Variants in XXYLT1 observed in about 807,000 individuals in gnomAD.
XXYLT1 encodes UDP-xylose:alpha-xyloside alpha-1,3-xylosyltransferase.
In XXYLT1, 20 loss-of-function variants were observed where a neutral mutation model predicts 28.9. The ratio of observed to expected loss-of-function variants is 0.69; its 90% CI spans 0.49 to 1.00. The LOEUF (loss-of-function observed/expected upper bound fraction) is 1.00. Ranked by LOEUF, XXYLT1 falls within the 50% of genes least tolerant of loss-of-function variation. The probability of loss-of-function intolerance (pLI) is 0.00; values close to 1 mark genes in which losing one functional copy is unlikely to be tolerated. For missense variants in XXYLT1, 542 were observed against 560.1 expected (o/e 0.97, Z 0.33); for synonymous variants, 257 against 253.8 (o/e 1.01, Z -0.12).
chr3:195,256,292 T>G lies in XXYLT1; in HGVS notation c.504+14263A>C, dbSNP rs1725474953. 6.6e-6 allele frequency among the ~76,000 whole-genome samples: 1 copy of G among 152,170 alleles called. No homozygotes were observed. The highest frequency in any genetic ancestry group is 6.5e-5 in the Admixed American group (1 of 15,292). On this transcript the variant is annotated intron_variant, in intron 1 of 3. Transcript: ENST00000310380. This position sits in a 1 kb window ranked among gnomAD's most constrained non-coding sequence, Gnocchi z 4.2. ...GTTAAATGAGGGAGGAAAAGCAGGA[T>G]CCAGCATGGTGCCTGCCACCCAGGG... is the stretch of plus-strand genomic sequence containing the variant.
intron 1 of XXYLT1, among the ~76,000 whole-genome samples, chr3:195,237,475 G>A (rs529248393): frequency 6.6e-6 from 1 of 152,166 alleles, no homozygotes; most frequent in South Asian, 2.1e-4. Flanking sequence ...ACCCTCTGCA[G>A]TGCTTCTTTC....
At chr3:195,237,118 C>T (rs1217421957) in intron 1 of XXYLT1, among the ~76,000 whole-genome samples, 1 of 152,176 alleles carries the variant, frequency 6.6e-6, no homozygotes, top group African/African-American at 2.4e-5. Context: ...GGTCATGTAA[C>T]CCCCAAGTCC....
rs1723268800 is a variant in XXYLT1 at position 195,210,516 on chromosome 3, G to A, written c.652+16193C>T. 6.6e-6 allele frequency among the ~76,000 whole-genome samples: 1 copy of A among 152,220 alleles called. No homozygotes were observed. ...TTGACCGATAGCCAAGAATTTAAAA[G>A]AAGATCTTGACAAATTAAAAGACAG... On this transcript the variant is annotated intron_variant, in intron 2 of 3. Transcript: ENST00000310380. The surrounding 1 kb of genome is among the most constrained non-coding windows in gnomAD (Gnocchi z 4.8).
At chr3:195,200,171 C>A (rs1722791094) in intron 2 of XXYLT1, among the ~76,000 whole-genome samples, 1 of 152,232 alleles carries the variant, frequency 6.6e-6, no homozygotes. Flanking sequence ...ATCTCGCGCT[C>A]TAGAAAGCCG....
chr3:195,193,207 G>C (rs1477206637), intron 2 of XXYLT1, among the ~76,000 whole-genome samples: 1 of 151,270 alleles, frequency 6.6e-6, no homozygotes. Flanking sequence ...AGAATCGCTT[G>C]AACCCGGGAG....
chr3:195,268,943 C>T (rs989788502), intron 1 of XXYLT1, among the ~76,000 whole-genome samples: 4 of 152,176 alleles, frequency 2.6e-5, no homozygotes, highest in African/African-American at 9.7e-5. Flanking sequence ...ACAGTCACAG[C>T]ACCAGGGAAG....
At chr3:195,156,386 GAAGA>G in intron 3 of XXYLT1, 59 bp downstream of exon 3, 1 of 1,583,662 alleles carries the variant, frequency 6.3e-7, no homozygotes, top group Non-Finnish European at 8.6e-7. Context: ...ACGGCTGGCA[GAAGA>G]GAGAGGGTGA....
At position 195,246,081 on chromosome 3, in the gene XXYLT1, C is replaced by T. The variant is rs74603893; in HGVS notation, c.505-19225G>A. Reference sequence around the variant, plus strand: ...CACACACCTGCTGATTTATTCTCTTCGCCTCCTTCTCCATCTAGCACACTG... The same window carrying T: ...CACACACCTGCTGATTTATTCTCTTTGCCTCCTTCTCCATCTAGCACACTG... On this transcript the variant is annotated intron_variant, in intron 1 of 3. Coordinates refer to ENST00000310380, the MANE Select transcript of XXYLT1 (RefSeq NM_152531.5). Among the ~76,000 whole-genome samples the T allele has an allele frequency of 3.0e-3, 459 of 152,324 alleles. 2 individuals are homozygous for T. Among genetic ancestry groups the T allele is most frequent in the African/African-American group, 0.01 (435 of 41,570 alleles).
At chr3:195,126,352 C>G (rs1718624077) in intron 3 of XXYLT1, among the ~76,000 whole-genome samples, 1 of 152,248 alleles carries the variant, frequency 6.6e-6, no homozygotes, top group Non-Finnish European at 1.5e-5. Context: ...TCAGAAGTTG[C>G]CTTCCCACTG....
intron 3 of XXYLT1, among the ~76,000 whole-genome samples, chr3:195,085,042 G>A (rs903378217): frequency 6.6e-6 from 1 of 152,182 alleles, no homozygotes; most frequent in Admixed American, 6.5e-5. Context: ...CTGAGCAGCC[G>A]CAGAGTCTTC....
chr3:195,201,103 A>G (rs559175970), intron 2 of XXYLT1, among the ~76,000 whole-genome samples: 4 of 152,354 alleles, frequency 2.6e-5, no homozygotes, highest in African/African-American at 9.6e-5. Context: ...TATTTGATAA[A>G]GCTCTCTGGG....
intron 2 of XXYLT1, among the ~76,000 whole-genome samples, chr3:195,212,341 C>A (rs1033452672): frequency 2.6e-5 from 4 of 152,196 alleles, no homozygotes; most frequent in Non-Finnish European, 5.9e-5. Flanking sequence ...AAGGGCCTTG[C>A]CCACAGGCTC....
chr3:195,191,070 A>ATC (rs2108751499), intron 2 of XXYLT1, among the ~76,000 whole-genome samples: 2 of 152,358 alleles, frequency 1.3e-5, no homozygotes, highest in African/African-American at 4.8e-5. Context: ...AATATGAATG[A>ATC]TCTCAACACT....
chr3:195,255,450 C>A lies in XXYLT1; in HGVS notation c.504+15105G>T, dbSNP rs937519140. 9.2e-5 allele frequency among the ~76,000 whole-genome samples: 14 copies of A among 152,226 alleles called. No homozygotes were observed. The highest frequency in any genetic ancestry group is 3.4e-4 in the African/African-American group (14 of 41,464). On this transcript the variant is annotated intron_variant, in intron 1 of 3. Coordinates refer to ENST00000310380, the MANE Select transcript of XXYLT1 (RefSeq NM_152531.5). The surrounding 1 kb of genome is among the most constrained non-coding windows in gnomAD (Gnocchi z 4.5). ...GGTTGGAGGGAGCCATGACTCTGGG[C>A]CTGCAGCTGAGGAGGCTGCAAAGCT...
chr3:195,221,823 T>C (rs2108795775), intron 2 of XXYLT1, among the ~76,000 whole-genome samples: 1 of 151,440 alleles, frequency 6.6e-6, no homozygotes, highest in East Asian at 1.9e-4. Flanking sequence ...AAAAGCCCCG[T>C]GGATGTGGGT....
At chr3:195,247,303 G>A (rs1172939496) in intron 1 of XXYLT1, among the ~76,000 whole-genome samples, 2 of 152,202 alleles carry the variant, frequency 1.3e-5, no homozygotes, top group African/African-American at 4.8e-5. Flanking sequence ...AGCGGTGGGA[G>A]GGCCGTGAAG....
At position 195,106,279 on chromosome 3, in the gene XXYLT1, C is replaced by CTCTTGT. The variant is rs1560097336; in HGVS notation, c.786-36169_786-36168insACAAGA. On this transcript the variant is annotated intron_variant, in intron 3 of 3. Transcript: ENST00000310380. ...CGTTTTTGATGGAGAGATGCTCTTGCTGTGTTTTTGACGGAGAGATGCTCT... is the reference window on the plus strand; with the variant it reads ...CGTTTTTGATGGAGAGATGCTCTTGCTCTTGTTGTGTTTTTGACGGAGAGATGCTCT... Among the ~76,000 whole-genome samples, 42 of 142,310 alleles carry CTCTTGT rather than the reference C, an allele frequency of 3.0e-4. 3 individuals are homozygous for CTCTTGT. Among genetic ancestry groups the CTCTTGT allele is most frequent in the African/African-American group, 1.2e-3 (41 of 35,416 alleles). The allele number at this position is 142,310 out of a possible 152,430, so 93.4% of individuals were successfully genotyped here. A position where few individuals can be genotyped will look rare whatever the true frequency, so the allele number is the denominator to read the frequency against.
chr3:195,184,593 C>T (rs1277771190), intron 2 of XXYLT1: 1 of 984,522 alleles, frequency 1.0e-6, no homozygotes, highest in African/African-American at 1.7e-5. Flanking sequence ...GGAAGAACCC[C>T]CCCAAGAAAC....
At chr3:195,200,839 C>G (rs900155682) in intron 2 of XXYLT1, among the ~76,000 whole-genome samples, 3 of 152,144 alleles carry the variant, frequency 2.0e-5, no homozygotes, top group African/African-American at 7.2e-5. Flanking sequence ...AACAGGAGCT[C>G]ACGGGTCCGC....
Sources: gnomAD v4.1 joint callset for allele counts (sites outside exome capture counted in the v4.1 genomes callset) on GRCh38, gnomAD v4.1.1 for gene constraint, Gnocchi (gnomAD v3.1) non-coding constraint, MANE v1.5 for transcripts, NCBI Gene and HGNC (gene_info 2026-07-23, HGNC 2026-07-21) for gene names.